Variants in SETD9 observed in about 807,000 individuals in gnomAD.
SETD9 encodes the protein SET domain-containing protein 9.
In SETD9, 37 loss-of-function variants were observed where a neutral mutation model predicts 36.4. The observed-to-expected ratio is 1.02, with a 90% CI of 0.78 to 1.34. The LOEUF (loss-of-function observed/expected upper bound fraction) is 1.34, where lower values mean the gene tolerates loss of function less well. Among genes scored for constraint, SETD9 ranks in the 40% most tolerant of loss-of-function variants. The pLI is 0.00. For synonymous variants in SETD9, 128 were observed against 132.9 expected (o/e 0.96, Z 0.26); for missense variants, 323 against 353.2 (o/e 0.91, Z 0.69).
intron 5 of SETD9, chr5:56,923,253 G>A: frequency 1.2e-6 from 2 of 1,614,114 alleles, no homozygotes; most frequent in South Asian, 1.1e-5. Flanking sequence ...GTGATGTGAT[G>A]TGTGTGATTT....
rs1749219954 is a variant in SETD9, at chr5:56,912,910, T to TG, written c.467-101_467-100insG. 4 of 1,285,468 alleles carry TG rather than the reference T, an allele frequency of 3.1e-6. No individual in the cohort carries two copies. In the African/African-American group the frequency reaches 5.9e-5, roughly 19 times the overall value. The allele number at this position is 1,285,468 out of a possible 1,614,324, so 79.6% of individuals were successfully genotyped here. A position where few individuals can be genotyped will look rare whatever the true frequency, so the allele number is the denominator to read the frequency against. ...CGTTCACGCTTTAAGAGGGAGAAAG[T>TG]AACTAAAGAGAATGTGATTATATTC... On this transcript the variant is annotated intron_variant, in intron 2 of 5. Coordinates refer to ENST00000285947, the MANE Select transcript of SETD9 (RefSeq NM_153706.4).
Position 56,911,446 on chromosome 5 carries a change from C to G in SETD9, c.376C>G (p.Gln126Glu). 6.2e-7 allele frequency: 1 copy of G among 1,612,540 alleles called. No homozygotes were observed. Among genetic ancestry groups the G allele is most frequent in the Non-Finnish European group, 8.5e-7 (1 of 1,179,598 alleles). Residue 126 changes from glutamine to glutamate, a missense_variant, in exon 2 of 6, where the codon CAA becomes GAA. By Grantham distance (29) the Gln-to-Glu change is conservative (BLOSUM62 2). Transcript: ENST00000285947. ...CAAGACTTTGGGTTTCAGTGTTGCC[C>G]AAGCAACTAGCTCATTGATTTCTGC... The part of the protein sequence containing the change: ...LYKTLGFSVA[Q>E]ATSSLISAGK...
intron 4 of SETD9, 98 bp downstream of exon 4, chr5:56,914,087 T>C: frequency 1.3e-6 from 1 of 747,686 alleles, no homozygotes; most frequent in Non-Finnish European, 2.2e-6. Flanking sequence ...GAGTATAACA[T>C]ATAATAAGCT....
chr5:56,914,069 G>A (rs1044765385), intron 4 of SETD9, 80 bp downstream of exon 4: 2 of 995,862 alleles, frequency 2.0e-6, no homozygotes, highest in Non-Finnish European at 1.6e-6. Context: ...TGAGTGCCAA[G>A]GGCAGTTGAG....
At chr5:56,923,324 A>G in intron 5 of SETD9, 6 of 1,614,212 alleles carry the variant, frequency 3.7e-6, no homozygotes, top group Non-Finnish European at 5.1e-6. Context: ...AGGGACGGCA[A>G]TGCCCATTTT....
At chr5:56,910,040 T>C (rs921366236) in intron 1 of SETD9, 13 of 1,319,002 alleles carry the variant, frequency 9.9e-6, no homozygotes, top group East Asian at 3.5e-5. Flanking sequence ...TTTCCCAGTG[T>C]CCGCTGCGCT....
intron 2 of SETD9, chr5:56,912,360 G>A: frequency 1.7e-6 from 1 of 580,508 alleles, no homozygotes; most frequent in Non-Finnish European, 2.2e-6. Flanking sequence ...GAAAGTGTGT[G>A]TGTGAATATT....
upstream of SETD9, chr5:56,909,464 AG>A: frequency 2.0e-6 from 1 of 503,978 alleles, no homozygotes; most frequent in East Asian, 3.5e-5. Flanking sequence ...CAGAGAGGTG[AG>A]GTCAGGAAAG....
chr5:56,910,996 A>G, intron 1 of SETD9, 173 bp from the exon 2 acceptor site: 1 of 580,496 alleles, frequency 1.7e-6, no homozygotes, highest in Non-Finnish European at 2.8e-6. Flanking sequence ...AAGTGTTGGG[A>G]GTTAGCTAAC....
At chr5:56,909,585 G>A (rs1476836757), upstream of SETD9, 9 of 1,392,880 alleles carry the variant, frequency 6.5e-6, no homozygotes, top group Non-Finnish European at 6.8e-6. Context: ...GGGCCGGGGC[G>A]GGCCCGAGGC....
At chr5:56,910,276 T>G in intron 1 of SETD9, 1 of 1,304,126 alleles carries the variant, frequency 7.7e-7, no homozygotes, top group South Asian at 1.2e-5. Context: ...TTCATACAAG[T>G]ACTTCACGTG....
intron 4 of SETD9, among the ~76,000 whole-genome samples, chr5:56,914,314 A>T (rs765984056): frequency 1.3e-5 from 2 of 152,200 alleles, no homozygotes; most frequent in Non-Finnish European, 2.9e-5. Flanking sequence ...CTTATAGATT[A>T]ATGGCTAGAC....
chr5:56,913,124 G>A lies in SETD9; in HGVS notation c.580G>A (p.Val194Ile), dbSNP rs765157808. The A allele has an allele frequency of 1.9e-6, 3 of 1,614,008 alleles. No individual in the cohort carries two copies. The highest frequency in any genetic ancestry group is 2.2e-5 in the East Asian group (1 of 44,852). ...IDGNDKGISK[V>I]VYRSCNGRDR... ...TGGGAATGACAAAGGGATATCAAAA[G>A]TTGTGTACAGGTAAGTGATGCCCAT... is the stretch of plus-strand genomic sequence containing the variant. Residue 194 changes from valine to isoleucine, a missense_variant, in exon 3 of 6, where the codon GTT (valine) becomes ATT (isoleucine). Val to Ile is a conservative substitution (Grantham distance 29, BLOSUM62 3). Transcript: ENST00000285947.
At chr5:56,915,036 C>A in intron 5 of SETD9, 70 bp downstream of exon 5, 1 of 1,189,644 alleles carries the variant, frequency 8.4e-7, no homozygotes, top group Non-Finnish European at 1.1e-6. Flanking sequence ...GAAGAAAAAG[C>A]TATGTAGAAT....
At position 56,913,121 on chromosome 5, in the gene SETD9, A is replaced by G; in HGVS notation, c.577A>G (p.Lys193Glu). 1 of 1,614,098 alleles carries G rather than the reference A, an allele frequency of 6.2e-7. No homozygotes were observed. Among genetic ancestry groups the G allele is most frequent in the Non-Finnish European group, 8.5e-7 (1 of 1,179,992 alleles). Reference protein sequence around the residue: ...LIDGNDKGISKVVYRSCNGRD... With the variant: ...LIDGNDKGISEVVYRSCNGRD... Reference sequence around the variant, plus strand: ...TGATGGGAATGACAAAGGGATATCAAAAGTTGTGTACAGGTAAGTGATGCC... The same window carrying G: ...TGATGGGAATGACAAAGGGATATCAGAAGTTGTGTACAGGTAAGTGATGCC... The change falls in exon 3 of 6, where the codon AAA becomes GAA. Residue 193 changes from lysine (K) to glutamate (E), a missense_variant. Coordinates refer to ENST00000285947, the MANE Select transcript of SETD9 (RefSeq NM_153706.4).
chr5:56,910,966 G>C, intron 1 of SETD9: 1 of 446,166 alleles, frequency 2.2e-6, no homozygotes. Flanking sequence ...CCTTTCATAA[G>C]TACTGACTAC....
chr5:56,911,031 T>G, intron 1 of SETD9, 138 bp from the exon 2 acceptor site: 1 of 986,268 alleles, frequency 1.0e-6, no homozygotes. Context: ...ACAATTCTTT[T>G]CTGAACTTAG....
intron 1 of SETD9, 189 bp downstream of exon 1, chr5:56,909,932 G>A: frequency 9.3e-7 from 1 of 1,071,434 alleles, no homozygotes; most frequent in Admixed American, 3.1e-5. Context: ...TTTAAGGAAC[G>A]CGGGCCAGAG....
downstream of SETD9, chr5:56,928,593 T>C (rs1750117109): frequency 2.0e-6 from 1 of 496,234 alleles, no homozygotes; most frequent in Non-Finnish European, 3.6e-6. Context: ...CTATCAGCCA[T>C]TCCATAAGCA....
Sources: gnomAD v4.1 joint callset for allele counts (sites outside exome capture counted in the v4.1 genomes callset) on GRCh38, gnomAD v4.1.1 for gene constraint, MANE v1.5 for transcripts, NCBI Gene and HGNC (gene_info 2026-07-23, HGNC 2026-07-21) for gene names.